Variants in TMC1 observed in about 807,000 individuals in gnomAD.
The protein encoded by TMC1 is transmembrane channel like 1.
TMC1 carries 84 observed loss-of-function variants against 105.8 expected under a neutral mutation model. The observed-to-expected ratio is 0.79, with a 90% CI of 0.67 to 0.95. The LOEUF (loss-of-function observed/expected upper bound fraction) is 0.95. Among genes scored for constraint, TMC1 ranks in the 40% least tolerant of loss-of-function variants. The probability of loss-of-function intolerance (pLI) is 0.00; values close to 1 mark genes in which losing one functional copy is unlikely to be tolerated. For missense variants in TMC1, 817 were observed against 914.1 expected, an observed-to-expected ratio of 0.89 and a Z score of 1.37; for synonymous variants, 315 against 311.5, an observed-to-expected ratio of 1.01 and a Z score of -0.12.
intron 3 of TMC1, among the ~76,000 whole-genome samples, chr9:72,619,738 T>C (rs1224294210): frequency 3.3e-5 from 5 of 151,864 alleles, no homozygotes; most frequent in Non-Finnish European, 1.5e-5. Context: ...TTTTAGGTTA[T>C]AGACAATGCT....
intron 1 of TMC1, among the ~76,000 whole-genome samples, chr9:72,533,407 G>A (rs1823529707): frequency 1.3e-5 from 2 of 152,200 alleles, no homozygotes; most frequent in Non-Finnish European, 1.5e-5. Context: ...ACTGGTGCGA[G>A]TTGTTGCTTT....
chr9:72,724,031 A>T (rs963212329), intron 8 of TMC1, among the ~76,000 whole-genome samples: 14 of 152,234 alleles, frequency 9.2e-5, no homozygotes, highest in Admixed American at 3.9e-4. Flanking sequence ...TTGCAGAAGG[A>T]TATTAGTCAT....
At chr9:72,529,286 A>G (rs969714835) in intron 1 of TMC1, among the ~76,000 whole-genome samples, 1 of 152,140 alleles carries the variant, frequency 6.6e-6, no homozygotes, top group Non-Finnish European at 1.5e-5. Flanking sequence ...CAAAAATTAA[A>G]GAATAATATG....
chr9:72,527,791 C>T (rs984768872), intron 1 of TMC1, among the ~76,000 whole-genome samples: 1 of 152,214 alleles, frequency 6.6e-6, no homozygotes, highest in African/African-American at 2.4e-5. Flanking sequence ...GGGGCTTCTC[C>T]TCTGGGTGTT....
chr9:72,570,784 G>A (rs1824267499), intron 1 of TMC1, among the ~76,000 whole-genome samples: 1 of 139,208 alleles, frequency 7.2e-6, no homozygotes, highest in South Asian at 2.3e-4. Context: ...TGCCTCTTGG[G>A]TTCAAGCAAT....
intron 17 of TMC1, among the ~76,000 whole-genome samples, chr9:72,800,516 A>G (rs1417060678): frequency 3.3e-5 from 5 of 152,172 alleles, no homozygotes; most frequent in Non-Finnish European, 7.4e-5. Flanking sequence ...TGCGAATGCA[A>G]TCTAGGAGAA....
Position 72,837,466 on chromosome 9 carries a change from A to G in TMC1, c.*1493A>G, listed in dbSNP as rs906546476. 2 of 152,176 alleles carry G rather than the reference A, an allele frequency of 1.3e-5. No homozygotes were observed. The highest frequency in any genetic ancestry group is 4.8e-5 in the African/African-American group (2 of 41,432). The allele number at this position is 152,176 out of a possible 1,614,324, so 9.4% of individuals were successfully genotyped here. ...CTGCTTATGTTTTTATGTTTGCCTA[A>G]CTACCTACTCTAACAATCATATCCT... On this transcript the variant is annotated 3_prime_UTR_variant, in exon 24 of 24. Transcript: ENST00000297784.
At chr9:72,741,460 C>T (rs1827388811) in intron 9 of TMC1, 3 of 319,424 alleles carry the variant, frequency 9.4e-6, no homozygotes, top group Non-Finnish European at 1.8e-5. Context: ...AAAGCACATC[C>T]ATCTTCCAGT....
At chr9:72,612,182 C>T (rs1825038448) in intron 2 of TMC1, among the ~76,000 whole-genome samples, 1 of 152,084 alleles carries the variant, frequency 6.6e-6, no homozygotes, top group Non-Finnish European at 1.5e-5. Context: ...CTTGAAATTT[C>T]TCTATACCCT....
At chr9:72,750,079 C>G (rs1245325238) in intron 10 of TMC1, among the ~76,000 whole-genome samples, 1 of 152,110 alleles carries the variant, frequency 6.6e-6, no homozygotes, top group African/African-American at 2.4e-5. Context: ...TGCACTCCAA[C>G]CTGGGTGACA....
At chr9:72,566,167 C>T (rs1017204480) in intron 1 of TMC1, among the ~76,000 whole-genome samples, 4 of 152,122 alleles carry the variant, frequency 2.6e-5, no homozygotes, top group South Asian at 2.1e-4. Flanking sequence ...ATTACAGGCA[C>T]GTGCCATTAT....
At chr9:72,774,594 A>G (rs1212325068) in intron 13 of TMC1, among the ~76,000 whole-genome samples, 2 of 152,004 alleles carry the variant, frequency 1.3e-5, no homozygotes, top group Non-Finnish European at 2.9e-5. Context: ...TCAAATCCAC[A>G]TTTTCCCCCT....
At chr9:72,613,752 G>A (rs908819753) in intron 2 of TMC1, among the ~76,000 whole-genome samples, 6 of 152,114 alleles carry the variant, frequency 3.9e-5, no homozygotes, top group Admixed American at 1.3e-4. Flanking sequence ...TCTTGTGTGT[G>A]TGTGCGTGTT....
At chr9:72,812,354 G>T (rs1292034115) in intron 18 of TMC1, among the ~76,000 whole-genome samples, 3 of 152,120 alleles carry the variant, frequency 2.0e-5, no homozygotes, top group African/African-American at 4.8e-5. Flanking sequence ...TCCCATAAGG[G>T]GTTGAGAACA....
rs537863353 is a variant in TMC1, at chr9:72,739,655, A to C, written c.363-464A>C. The stretch of plus-strand genomic sequence containing the variant: ...TTTAAGTCATAATTGCTTTTTTTTT[A>C]CAGGATTAAGTACCAGGTCATTAAG... On this transcript the variant is annotated intron_variant, in intron 8 of 23. Transcript: ENST00000297784. 9.2e-5 allele frequency among the ~76,000 whole-genome samples: 14 copies of C among 151,908 alleles called. No homozygotes were observed. In the South Asian group the frequency reaches 2.7e-3, roughly 29 times the overall value.
intron 19 of TMC1, 38 bp downstream of exon 19, chr9:72,816,248 A>T (rs1039221955): frequency 8.8e-6 from 14 of 1,591,408 alleles, no homozygotes; most frequent in Non-Finnish European, 1.2e-5. Flanking sequence ...CTTACAGAAA[A>T]GCCTCCCAGG....
intron 2 of TMC1, among the ~76,000 whole-genome samples, chr9:72,593,381 C>G (rs1413935361): frequency 6.6e-6 from 1 of 151,586 alleles, no homozygotes; most frequent in Non-Finnish European, 1.5e-5. Context: ...TTTCTTTTTT[C>G]TTTTCTTTTC....
chr9:72,574,775 GAGA>G (rs1824346735), intron 1 of TMC1, among the ~76,000 whole-genome samples: 1 of 152,190 alleles, frequency 6.6e-6, no homozygotes, highest in Non-Finnish European at 1.5e-5. Flanking sequence ...CAGCTTCTCT[GAGA>G]AGTATTCTCT....
At chr9:72,701,827 A>C (rs1826651044) in intron 8 of TMC1, among the ~76,000 whole-genome samples, 1 of 152,166 alleles carries the variant, frequency 6.6e-6, no homozygotes, top group South Asian at 2.1e-4. Context: ...TGTTTTGTAG[A>C]GTAAGGTTTT....
Sources: gnomAD v4.1 joint callset for allele counts (sites outside exome capture counted in the v4.1 genomes callset) on GRCh38, gnomAD v4.1.1 for gene constraint, MANE v1.5 for transcripts, NCBI Gene and HGNC (gene_info 2026-07-23, HGNC 2026-07-21) for gene names.